The following PLEKHB2 variants were observed in gnomAD, a reference collection of about 807,000 sequenced individuals.
The protein encoded by PLEKHB2 is pleckstrin homology domain-containing family B member 2.
In PLEKHB2, 31 loss-of-function variants were observed where a neutral mutation model predicts 36.5. The ratio of observed to expected loss-of-function variants is 0.85; its 90% confidence interval spans 0.64 to 1.15. The LOEUF (loss-of-function observed/expected upper bound fraction) is 1.15, where lower values mean the gene tolerates loss of function less well. Among genes scored for constraint, PLEKHB2 ranks in the 50% most tolerant of loss-of-function variants. The pLI is 0.00. For missense variants in PLEKHB2, 262 were observed against 295.3 expected (o/e 0.89, Z 0.83); for synonymous variants, 119 against 112.0 (o/e 1.06, Z -0.39).
intron 5 of PLEKHB2, among the ~76,000 whole-genome samples, chr2:131,131,758 C>CCT (rs532815245): frequency 7.2e-6 from 1 of 139,168 alleles, no homozygotes; most frequent in African/African-American, 2.6e-5. Context: ...GAAAATCCCC[C>CCT]TTTTTTTTTT....
chr2:131,127,418 A>G (rs935006243), intron 4 of PLEKHB2, among the ~76,000 whole-genome samples: 2 of 152,252 alleles, frequency 1.3e-5, no homozygotes, highest in Non-Finnish European at 2.9e-5. Flanking sequence ...GACACCAATC[A>G]TAATGGATTA....
intron 1 of PLEKHB2, among the ~76,000 whole-genome samples, chr2:131,105,607 A>G (rs1014454969): frequency 2.6e-5 from 4 of 151,076 alleles, no homozygotes; most frequent in African/African-American, 4.9e-5. Context: ...GACCTTCCCC[A>G]GGTCCGCCCT....
intron 7 of PLEKHB2, among the ~76,000 whole-genome samples, chr2:131,144,126 C>T (rs1304800475): frequency 1.3e-5 from 2 of 152,150 alleles, no homozygotes; most frequent in Non-Finnish European, 2.9e-5. Flanking sequence ...TGCTTTGCCA[C>T]CTCCATGCCA....
At chr2:131,143,824 G>A (rs1699021647) in intron 7 of PLEKHB2, among the ~76,000 whole-genome samples, 1 of 152,238 alleles carries the variant, frequency 6.6e-6, no homozygotes, top group Non-Finnish European at 1.5e-5. Context: ...GAATAGGGCT[G>A]TTGCCGCTGT....
chr2:131,145,702 C>A (rs1330366629), intron 7 of PLEKHB2, among the ~76,000 whole-genome samples: 1 of 152,102 alleles, frequency 6.6e-6, no homozygotes, highest in African/African-American at 2.4e-5. Flanking sequence ...AATACCTGAG[C>A]AGTTTGAAAG....
At chr2:131,130,658 A>G (rs952876117) in intron 4 of PLEKHB2, 63 bp from the exon 5 acceptor site, 7 of 1,190,264 alleles carry the variant, frequency 5.9e-6, no homozygotes, top group East Asian at 2.3e-5. Flanking sequence ...ATGCCAGCCC[A>G]GGTTTCAGAA....
At chr2:131,132,877 C>CCT (rs754581397) in intron 5 of PLEKHB2, 25 bp from the exon 6 acceptor site, 2 of 1,382,504 alleles carry the variant, frequency 1.4e-6, no homozygotes, top group South Asian at 2.3e-5. Flanking sequence ...GCTGTCCTGT[C>CCT]CTCACCCTCT....
Position 131,132,896 on chromosome 2 carries a change from C to T in PLEKHB2, c.334-6C>T. ...TCCTGTCCTCACCCTCTCCTGTCTC[C>T]CGCAGGCGTATGTGGGCTCTGCAGT... On this transcript the variant is annotated splice_region_variant and splice_polypyrimidine_tract_variant and intron_variant, in intron 5 of 7. Coordinates refer to ENST00000693505, the MANE Select transcript of PLEKHB2 (RefSeq NM_001100623.2). 1 of 1,584,004 alleles carries T rather than the reference C, an allele frequency of 6.3e-7. No individual in the cohort carries two copies.
rs184034606 is a variant in PLEKHB2 at position 131,136,685 on chromosome 2, C to T, written c.424-3482C>T. Among the ~76,000 whole-genome samples the T allele has an allele frequency of 3.5e-3, 526 of 151,556 alleles. 3 individuals are homozygous for T. Among genetic ancestry groups the T allele is most frequent in the Non-Finnish European group, 5.8e-3 (395 of 67,964 alleles). On this transcript the variant is annotated intron_variant, in intron 6 of 7. Transcript: ENST00000693505. ...TGCTAATATTTGTTAAGGATTTTTGCGTCTATATTTATGAGGGATATTGGT... is the reference window on the plus strand; with the variant it reads ...TGCTAATATTTGTTAAGGATTTTTGTGTCTATATTTATGAGGGATATTGGT...
chr2:131,136,008 A>G (rs1010590146), intron 6 of PLEKHB2, among the ~76,000 whole-genome samples: 5 of 152,138 alleles, frequency 3.3e-5, no homozygotes, highest in African/African-American at 1.2e-4. Flanking sequence ...ACATATGCAT[A>G]TATTTAGTAT....
intron 1 of PLEKHB2, chr2:131,107,789 A>C (rs979365059): frequency 3.3e-5 from 5 of 152,128 alleles, no homozygotes; most frequent in African/African-American, 9.7e-5. Flanking sequence ...CTGCCCCCCA[A>C]ATAGCTGGGA....
chr2:131,141,517 A>G (rs1286530510), intron 7 of PLEKHB2, among the ~76,000 whole-genome samples: 1 of 151,592 alleles, frequency 6.6e-6, no homozygotes, highest in African/African-American at 2.4e-5. Flanking sequence ...GCGGGCACCT[A>G]TAGTTCCAGC....
intron 1 of PLEKHB2, among the ~76,000 whole-genome samples, chr2:131,111,210 G>C (rs1695282801): frequency 6.6e-6 from 1 of 151,830 alleles, no homozygotes. Context: ...TCACCATACT[G>C]GCCAGGCTCG....
rs139092523 is a variant in PLEKHB2, at chr2:131,131,575, T to C, written c.333+815T>C. Among the ~76,000 whole-genome samples the C allele has an allele frequency of 3.3e-3, 498 of 152,062 alleles. 2 individuals carry two copies. The highest frequency in any genetic ancestry group is 0.011 in the African/African-American group (463 of 41,526). On this transcript the variant is annotated intron_variant, in intron 5 of 7. Transcript: ENST00000693505. ...CTTTAGATGGGATTTTTCTCTCCTT[T>C]ATTAATCTGTAAGAAAAGAAGAAGG...
At chr2:131,117,400 CG>C (rs2104812763) in intron 1 of PLEKHB2, among the ~76,000 whole-genome samples, 1 of 152,040 alleles carries the variant, frequency 6.6e-6, no homozygotes, top group East Asian at 1.9e-4. Context: ...CCAGCCTGGG[CG>C]ATGGCACAAA....
chr2:131,147,472 G>A lies in PLEKHB2; in HGVS notation c.*699G>A, dbSNP rs1363912627. Reference sequence around the variant, plus strand: ...TATCCCACATTAGGAATTGATTTAAGCCTGAGAGTTTGAGGGCTTTAATCC... The same window carrying A: ...TATCCCACATTAGGAATTGATTTAAACCTGAGAGTTTGAGGGCTTTAATCC... On this transcript the variant is annotated 3_prime_UTR_variant, in exon 8 of 8. Transcript: ENST00000693505. 1 of 152,264 alleles carries A rather than the reference G, an allele frequency of 6.6e-6. No homozygotes were observed. The highest frequency in any genetic ancestry group is 2.4e-5 in the African/African-American group (1 of 41,460). The allele number at this position is 152,264 out of a possible 1,614,324, so 9.4% of individuals were successfully genotyped here.
In PLEKHB2 at chr2:131,116,892, A is replaced by C. The variant is rs528283131; in HGVS notation, c.-8-4042A>C. Among the ~76,000 whole-genome samples, 3 of 151,220 alleles carry C rather than the reference A, an allele frequency of 2.0e-5. No homozygotes were observed. In the East Asian group the frequency reaches 5.9e-4, roughly 30 times the overall value. Reference sequence around the variant, plus strand: ...TGTAATCCCAGCACTTTGGGATGCCAAAGCAGGCAGATCACTTGAGGTCAG... The same window carrying C: ...TGTAATCCCAGCACTTTGGGATGCCCAAGCAGGCAGATCACTTGAGGTCAG... On this transcript the variant is annotated intron_variant, in intron 1 of 7. Coordinates refer to ENST00000693505, the MANE Select transcript of PLEKHB2 (RefSeq NM_001100623.2).
rs140110246 is a variant in PLEKHB2, at chr2:131,106,387, G to A, written c.-9+989G>A. ...CTTCTGTGGCCTTTGGTATGAACCA[G>A]TACCAATTCAGGAAGTGACTTGTCC... On this transcript the variant is annotated intron_variant, in intron 1 of 7. Coordinates refer to ENST00000693505, the MANE Select transcript of PLEKHB2 (RefSeq NM_001100623.2). Among the ~76,000 whole-genome samples, 438 of 152,280 alleles carry A rather than the reference G, an allele frequency of 2.9e-3. 1 individual carries two copies. The highest frequency in any genetic ancestry group is 0.014 in the Middle Eastern group (4 of 294).
At chr2:131,123,127 A>G (rs1696689903) in intron 2 of PLEKHB2, among the ~76,000 whole-genome samples, 1 of 152,230 alleles carries the variant, frequency 6.6e-6, no homozygotes, top group African/African-American at 2.4e-5. Flanking sequence ...TAAGTCACAT[A>G]GACTTTTCCA....
Sources: allele counts gnomAD v4.1 joint callset (sites outside exome capture counted in the v4.1 genomes callset), GRCh38; gene constraint gnomAD v4.1.1; transcripts MANE v1.5; gene names NCBI Gene and HGNC (gene_info 2026-07-23, HGNC 2026-07-21).